CEP120: variants seen among roughly 807,000 people sequenced by gnomAD.
The protein encoded by CEP120 is centrosomal protein 120, also known as centrosomal protein of 120 kDa.
CEP120 carries 113 observed loss-of-function variants against 126.5 expected under a neutral mutation model. The ratio of observed to expected loss-of-function variants is 0.89; its 90% CI spans 0.77 to 1.04. The LOEUF (loss-of-function observed/expected upper bound fraction) is 1.04. Among genes scored for constraint, CEP120 ranks in the 50% least tolerant of loss-of-function variants. CEP120 has a pLI of 0.00. For synonymous variants in CEP120, 400 were observed against 394.3 expected, an observed-to-expected ratio of 1.01 and a Z score of -0.17; for missense variants, 1,230 against 1,155.7, an observed-to-expected ratio of 1.06 and a Z score of -0.93.
intron 8 of CEP120, among the ~76,000 whole-genome samples, chr5:123,388,872 T>C (rs1772202185): frequency 6.6e-6 from 1 of 152,212 alleles, no homozygotes; most frequent in African/African-American, 2.4e-5. Context: ...TAGAGAAATA[T>C]ACATGACTGC....
chr5:123,349,235 C>T (rs1417573080), intron 19 of CEP120, among the ~76,000 whole-genome samples: 1 of 152,120 alleles, frequency 6.6e-6, no homozygotes, highest in Non-Finnish European at 1.5e-5. Flanking sequence ...ACTCTGGCTC[C>T]ATGATTTACT....
At position 123,392,431 on chromosome 5, in the gene CEP120, C is replaced by T. The variant is rs907178117; in HGVS notation, c.810+869G>A. 2.4e-4 allele frequency among the ~76,000 whole-genome samples: 37 copies of T among 152,290 alleles called. 1 individual carries two copies. The highest frequency in any genetic ancestry group is 6.0e-4 in the African/African-American group (25 of 41,558). On this transcript the variant is annotated intron_variant, in intron 6 of 19. Coordinates refer to ENST00000306467, the MANE Select transcript of CEP120 (RefSeq NM_001375405.1). ...TATTTTAAACAAATGAGTATCTAAG[C>T]GTATACAACACCACCCTATTTCAGT...
At chr5:123,391,050 T>C (rs1029474190) in intron 7 of CEP120, 60 bp downstream of exon 7, 5 of 1,254,182 alleles carry the variant, frequency 4.0e-6, no homozygotes, top group Non-Finnish European at 5.6e-6. Flanking sequence ...ATTCAACTTT[T>C]GTAAGTAATC....
chr5:123,386,881 A>G (rs1307818860), intron 9 of CEP120, among the ~76,000 whole-genome samples: 3 of 152,148 alleles, frequency 2.0e-5, no homozygotes, highest in South Asian at 2.1e-4. Flanking sequence ...TCCCAGGGAC[A>G]CAGGCAGTTT....
In CEP120 at chr5:123,398,824, C is replaced by G. The variant is rs140449263; in HGVS notation, c.612+312G>C. On this transcript the variant is annotated intron_variant, in intron 5 of 19. Transcript: ENST00000306467. Reference sequence around the variant, plus strand: ...TTGTAAGTTTCTCCAAAAAGTAAATCGTTCACAAATTTAAAAATCCTTCCA... The same window carrying G: ...TTGTAAGTTTCTCCAAAAAGTAAATGGTTCACAAATTTAAAAATCCTTCCA... 1.6e-3 allele frequency among the ~76,000 whole-genome samples: 243 copies of G among 152,176 alleles called. 1 individual carries two copies. The highest frequency in any genetic ancestry group is 5.7e-3 in the African/African-American group (237 of 41,508).
At chr5:123,375,952 A>G (rs1011719728) in intron 16 of CEP120, among the ~76,000 whole-genome samples, 1 of 151,204 alleles carries the variant, frequency 6.6e-6, no homozygotes, top group South Asian at 2.1e-4. Context: ...CTACATTGGA[A>G]TTTTTCAAGA....
At chr5:123,404,165 T>A (rs984036082) in intron 4 of CEP120, among the ~76,000 whole-genome samples, 1 of 151,536 alleles carries the variant, frequency 6.6e-6, no homozygotes, top group Non-Finnish European at 1.5e-5. Flanking sequence ...ATATTCTTCT[T>A]CATATTTCCA....
intron 17 of CEP120, among the ~76,000 whole-genome samples, chr5:123,370,218 C>T (rs978009212): frequency 4.6e-5 from 7 of 151,938 alleles, no homozygotes; most frequent in African/African-American, 1.7e-4. Context: ...AAGAAGTATA[C>T]AGTAAGTATT....
At chr5:123,360,890 TA>T (rs553811687) in intron 18 of CEP120, among the ~76,000 whole-genome samples, 2 of 151,964 alleles carry the variant, frequency 1.3e-5, no homozygotes, top group East Asian at 3.9e-4. Context: ...TTACTTATAT[TA>T]TTTTTTTGAA....
intron 16 of CEP120, among the ~76,000 whole-genome samples, chr5:123,376,245 A>G (rs1771215012): frequency 6.6e-6 from 1 of 152,118 alleles, no homozygotes; most frequent in Non-Finnish European, 1.5e-5. Context: ...GAATTAGGGA[A>G]GATTTCTAGG....
At chr5:123,370,619 A>ACTCAGGTGGCT (rs1770785080) in intron 17 of CEP120, among the ~76,000 whole-genome samples, 2 of 151,510 alleles carry the variant, frequency 1.3e-5, no homozygotes, top group African/African-American at 2.4e-5. Context: ...CTGGGACAAC[A>ACTCAGGTGGCT]GGTATGTGCC....
intron 4 of CEP120, among the ~76,000 whole-genome samples, chr5:123,409,992 C>CCACACACACACA (rs552203939): frequency 9.5e-5 from 8 of 83,860 alleles, no homozygotes; most frequent in Admixed American, 4.2e-4. Context: ...AAAAAAAAAA[C>CCACACACACACA]CACACACACA....
chr5:123,398,311 G>C (rs13184896), intron 5 of CEP120, among the ~76,000 whole-genome samples: 8 of 151,890 alleles, frequency 5.3e-5, no homozygotes, highest in Non-Finnish European at 1.0e-4. Context: ...CCGCTGTTGG[G>C]AAGGCAATCT....
chr5:123,384,983 G>GT lies in CEP120; in HGVS notation c.1730dup (p.Tyr577Ter), dbSNP rs1771919112. The part of the protein sequence containing the change: ...SNGEQCWRQT[Y>*]SESVPVIAAQ... Reference sequence around the variant, plus strand: ...CTGCTATAACAGGCACACTTTCACTGTAAGTTTGACGCCAACACTGTTCAC... The same window carrying GT: ...CTGCTATAACAGGCACACTTTCACTGTTAAGTTTGACGCCAACACTGTTCAC... Residue 577 changes from tyrosine to a stop codon, truncating the protein, a stop_gained and frameshift_variant, in exon 11 of 20, where the codon TAC becomes TAAC. Transcript: ENST00000306467. LOFTEE classifies it high-confidence loss of function. 1.9e-6 allele frequency: 3 copies of GT among 1,612,018 alleles called. No homozygotes were observed. The highest frequency in any genetic ancestry group is 4.5e-5 in the East Asian group (2 of 44,786).
chr5:123,375,682 C>A (rs991230855), intron 16 of CEP120, among the ~76,000 whole-genome samples: 12 of 152,072 alleles, frequency 7.9e-5, no homozygotes. Flanking sequence ...CCTGGTGACT[C>A]TAATATGTGT....
rs546068431 is a variant in CEP120, at chr5:123,400,768, C to G, written c.464-1484G>C. Reference sequence around the variant, plus strand: ...GGAGGCATGGGCAAAGGGGGGGTCCCCAGGCAGTAAACTCCCCCGCGGGTG... The same window carrying G: ...GGAGGCATGGGCAAAGGGGGGGTCCGCAGGCAGTAAACTCCCCCGCGGGTG... On this transcript the variant is annotated intron_variant, in intron 4 of 19. Coordinates refer to ENST00000306467, the MANE Select transcript of CEP120 (RefSeq NM_001375405.1). Among the ~76,000 whole-genome samples the G allele has an allele frequency of 3.6e-4, 55 of 151,206 alleles. 1 individual carries two copies. Among genetic ancestry groups the G allele is most frequent in the Admixed American group, 3.0e-3 (46 of 15,186 alleles).
At chr5:123,414,197 G>A (rs1318723910) in intron 3 of CEP120, among the ~76,000 whole-genome samples, 2 of 152,140 alleles carry the variant, frequency 1.3e-5, no homozygotes, top group African/African-American at 4.8e-5. Context: ...TAAACTGACT[G>A]CAGAAGTGTC....
In CEP120 at chr5:123,369,122, T is replaced by C. The variant is rs567325754; in HGVS notation, c.2481+3528A>G. On this transcript the variant is annotated intron_variant, in intron 17 of 19. Transcript: ENST00000306467. ...GACAGGTCTTGTCCTCTAACACATA[T>C]TTTCTACACACTAGATGAATAATTT... Among the ~76,000 whole-genome samples the C allele has an allele frequency of 3.3e-5, 5 of 152,034 alleles. No individual in the cohort carries two copies. In the South Asian group the frequency reaches 1.0e-3, roughly 32 times the overall value.
chr5:123,370,696 T>TATAC (rs1554101248), intron 17 of CEP120, among the ~76,000 whole-genome samples: 4 of 148,170 alleles, frequency 2.7e-5, no homozygotes, highest in Admixed American at 6.8e-5. Flanking sequence ...TATATATATA[T>TATAC]ACACATATAT....
Sources: allele counts gnomAD v4.1 joint callset (sites outside exome capture counted in the v4.1 genomes callset), GRCh38; gene constraint gnomAD v4.1.1; transcripts MANE v1.5; gene names NCBI Gene and HGNC (gene_info 2026-07-23, HGNC 2026-07-21).